SLC4A4: variants seen among roughly 807,000 people sequenced by gnomAD.
The protein encoded by SLC4A4 is electrogenic sodium bicarbonate cotransporter 1.
In SLC4A4, 27 loss-of-function variants were observed where a neutral mutation model predicts 111.5. The ratio of observed to expected loss-of-function variants is 0.24; its 90% confidence interval spans 0.18 to 0.33. The LOEUF is 0.33. Among genes scored for constraint, SLC4A4 ranks in the 10% least tolerant of loss-of-function variants. The pLI is 1.00. For synonymous variants in SLC4A4, 443 were observed against 463.4 expected (o/e 0.96, Z 0.57); for missense variants, 909 against 1,315.5 (o/e 0.69, Z 4.78).
chr4:71,332,265 G>T (rs949050623), intron 3 of SLC4A4, among the ~76,000 whole-genome samples: 4 of 151,772 alleles, frequency 2.6e-5, no homozygotes, highest in African/African-American at 7.3e-5. Flanking sequence ...GCATTGTTCG[G>T]TTTTTTGTTT....
chr4:71,147,882 G>A (rs1267414285), intron 2 of SLC4A4, among the ~76,000 whole-genome samples: 4 of 152,110 alleles, frequency 2.6e-5, no homozygotes, highest in African/African-American at 9.7e-5. Flanking sequence ...GTTGTCCCGA[G>A]GGAGGACAGA....
chr4:71,485,329 G>GT lies in SLC4A4; in HGVS notation c.1904-1611dup, dbSNP rs199657798. 3.7e-3 allele frequency among the ~76,000 whole-genome samples: 568 copies of GT among 151,496 alleles called. 10 individuals carry two copies. The highest frequency in any genetic ancestry group is 0.025 in the Admixed American group (376 of 15,166). ...TCCTTCAACACCTAGTTTGTTGAGA[G>GT]TTTTTTTTAACATGAATGGATGTTG... On this transcript the variant is annotated intron_variant, in intron 14 of 25. Coordinates refer to ENST00000264485, the MANE Select transcript of SLC4A4 (RefSeq NM_001098484.3).
intron 2 of SLC4A4, among the ~76,000 whole-genome samples, chr4:71,106,226 C>A (rs1237677145): frequency 6.7e-6 from 1 of 148,238 alleles, no homozygotes; most frequent in Non-Finnish European, 1.5e-5. Context: ...CAATGAGCTA[C>A]CATCTCACAC....
intron 2 of SLC4A4, among the ~76,000 whole-genome samples, chr4:71,174,018 A>T (rs1445669263): frequency 6.6e-6 from 1 of 152,174 alleles, no homozygotes; most frequent in Non-Finnish European, 1.5e-5. Flanking sequence ...TGAGGCTATC[A>T]ATATTTTAGT....
At chr4:71,139,051 A>G (rs962376895) in intron 2 of SLC4A4, among the ~76,000 whole-genome samples, 2 of 151,542 alleles carry the variant, frequency 1.3e-5, no homozygotes, top group Non-Finnish European at 1.5e-5. Flanking sequence ...AAAAAAAAAA[A>G]AAAAAAAAGA....
chr4:71,520,213 T>A (rs143072435), intron 16 of SLC4A4, among the ~76,000 whole-genome samples: 277 of 152,348 alleles, frequency 1.8e-3, no homozygotes, highest in African/African-American at 6.2e-3. Context: ...ATGCTCATGT[T>A]GAGTGACAAT....
intron 1 of SLC4A4, among the ~76,000 whole-genome samples, chr4:71,084,171 T>C (rs1026383091): frequency 6.6e-6 from 1 of 152,068 alleles, no homozygotes; most frequent in Non-Finnish European, 1.5e-5. Context: ...GATTCGATAT[T>C]AATTCAAGGG....
intron 7 of SLC4A4, among the ~76,000 whole-genome samples, chr4:71,405,656 G>A (rs2148992125): frequency 6.6e-6 from 1 of 152,244 alleles, no homozygotes; most frequent in African/African-American, 2.4e-5. Flanking sequence ...GATTATATGA[G>A]TTATGTTCTA....
At chr4:71,401,304 T>C (rs926727670) in intron 7 of SLC4A4, among the ~76,000 whole-genome samples, 3 of 152,196 alleles carry the variant, frequency 2.0e-5, no homozygotes, top group Non-Finnish European at 4.4e-5. Flanking sequence ...GGCTGCTTTA[T>C]TGAAAAATGG....
At chr4:71,240,312 G>C (rs1402475591) in intron 2 of SLC4A4, among the ~76,000 whole-genome samples, 1 of 152,188 alleles carries the variant, frequency 6.6e-6, no homozygotes, top group Non-Finnish European at 1.5e-5. Flanking sequence ...TAAGGCTTTG[G>C]CTCTGCAAGG....
Position 71,557,822 on chromosome 4 carries a change from G to A in SLC4A4, c.2874G>A (p.Val958=). The A allele has an allele frequency of 6.2e-7, 1 of 1,612,708 alleles. No individual in the cohort carries two copies. Among genetic ancestry groups the A allele is most frequent in the East Asian group, 2.2e-5 (1 of 44,722 alleles). Residue 958 remains valine, a synonymous_variant, in exon 22 of 26, where the codon GTG becomes GTA. Transcript: ENST00000264485. ...TCCACCTGTTCACTTTCCTGCAGGT[G>A]TTGTGTCTGGCCCTGCTTTGGATCC... The part of the protein sequence containing the change: ...RRVHLFTFLQ[V]LCLALLWILK...
At chr4:71,116,736 G>A (rs770731599) in intron 2 of SLC4A4, among the ~76,000 whole-genome samples, 4 of 152,240 alleles carry the variant, frequency 2.6e-5, no homozygotes, top group Middle Eastern at 3.4e-3. Flanking sequence ...CTGAGGTTGC[G>A]AGTTCGAGAC....
chr4:71,143,289 T>C (rs1744063605), intron 2 of SLC4A4, among the ~76,000 whole-genome samples: 1 of 152,210 alleles, frequency 6.6e-6, no homozygotes. Flanking sequence ...CATCATTTTT[T>C]ATGGCTGCAT....
chr4:71,213,501 G>A (rs1246969185), intron 1 of SLC4A4, among the ~76,000 whole-genome samples: 1 of 152,090 alleles, frequency 6.6e-6, no homozygotes, highest in African/African-American at 2.4e-5. Flanking sequence ...AGTTTTCATG[G>A]CATACTAATT....
chr4:71,087,949 C>T (rs1474564788), intron 1 of SLC4A4, among the ~76,000 whole-genome samples: 1 of 151,898 alleles, frequency 6.6e-6, no homozygotes. Context: ...AGTTCAATTC[C>T]TGGATATCCT....
intron 2 of SLC4A4, among the ~76,000 whole-genome samples, chr4:71,145,223 T>C (rs1235895165): frequency 2.0e-5 from 3 of 152,216 alleles, no homozygotes; most frequent in Non-Finnish European, 4.4e-5. Context: ...TTTTTGTCTT[T>C]GGTTCGTTTA....
chr4:71,306,590 A>G (rs1177541896), intron 3 of SLC4A4, among the ~76,000 whole-genome samples: 2 of 152,234 alleles, frequency 1.3e-5, no homozygotes, highest in African/African-American at 2.4e-5. Flanking sequence ...TCAAAAAAAA[A>G]AATCATAATA....
chr4:71,292,294 A>T (rs1724418997), intron 3 of SLC4A4, among the ~76,000 whole-genome samples: 1 of 152,180 alleles, frequency 6.6e-6, no homozygotes, highest in South Asian at 2.1e-4. Flanking sequence ...TAAAGAAAAG[A>T]TTAAATTTTA....
chr4:71,234,507 C>A (rs1287665377), intron 1 of SLC4A4, among the ~76,000 whole-genome samples: 1 of 152,186 alleles, frequency 6.6e-6, no homozygotes, highest in Admixed American at 6.5e-5. Flanking sequence ...CTCACTGCAA[C>A]CTCTGCTTCC....
Sources: gnomAD v4.1 joint callset for allele counts (sites outside exome capture counted in the v4.1 genomes callset) on GRCh38, gnomAD v4.1.1 for gene constraint, MANE v1.5 for transcripts, NCBI Gene and HGNC (gene_info 2026-07-23, HGNC 2026-07-21) for gene names.